ATP10A: variants seen among roughly 807,000 people sequenced by gnomAD.
ATP10A encodes the protein ATPase phospholipid transporting 10A (putative).
A neutral mutation model predicts 147.8 loss-of-function variants in ATP10A; 111 were observed. That is an observed-to-expected ratio of 0.75 (90% CI 0.64 to 0.88). The LOEUF is 0.88. ATP10A is among the 40% of genes least tolerant of loss of function. The pLI is 0.00. For missense variants in ATP10A, 1,927 were observed against 1,959.0 expected (o/e 0.98, Z 0.31); for synonymous variants, 875 against 841.6 (o/e 1.04, Z -0.69).
intron 17 of ATP10A, among the ~76,000 whole-genome samples, chr15:25,682,352 AG>A: frequency 3.5e-5 from 1 of 28,400 alleles, no homozygotes. Context: ...AGATGAATAG[AG>A]TCTCTATTAC....
At chr15:25,672,372 GTTTA>G (rs1277750264), downstream of ATP10A, among the ~76,000 whole-genome samples, 1 of 152,156 alleles carries the variant, frequency 6.6e-6, no homozygotes, top group Non-Finnish European at 1.5e-5. Context: ...CCATATTTTT[GTTTA>G]TTCATTCATC....
At chr15:25,811,801 T>A (rs958874711) in intron 1 of ATP10A, among the ~76,000 whole-genome samples, 7 of 152,164 alleles carry the variant, frequency 4.6e-5, no homozygotes, top group Non-Finnish European at 7.3e-5. Context: ...CACTTCCTCG[T>A]CCAGATGGAT....
chr15:25,782,025 A>G (rs905283355), intron 1 of ATP10A, among the ~76,000 whole-genome samples: 1 of 152,234 alleles, frequency 6.6e-6, no homozygotes, highest in African/African-American at 2.4e-5. Flanking sequence ...CAGCAGCATC[A>G]CTCAGAATTG....
chr15:25,678,172 G>T (rs1022191902), downstream of ATP10A: 1 of 151,860 alleles, frequency 6.6e-6, no homozygotes, highest in African/African-American at 2.4e-5. Context: ...ACTTGCGATG[G>T]CCCACACTCA....
chr15:25,787,776 G>C (rs1211813047), intron 1 of ATP10A, among the ~76,000 whole-genome samples: 2 of 152,106 alleles, frequency 1.3e-5, no homozygotes, highest in Non-Finnish European at 2.9e-5. Context: ...ACTGGAGGGG[G>C]CTTGTCCAAG....
intron 2 of ATP10A, among the ~76,000 whole-genome samples, chr15:25,777,734 G>A (rs1889684040): frequency 6.6e-6 from 1 of 151,242 alleles, no homozygotes; most frequent in South Asian, 2.1e-4. Context: ...TGAGCAGCTA[G>A]GACCACAGCT....
At chr15:25,769,008 T>A (rs1176410980) in intron 2 of ATP10A, among the ~76,000 whole-genome samples, 1 of 152,166 alleles carries the variant, frequency 6.6e-6, no homozygotes, top group Non-Finnish European at 1.5e-5. Flanking sequence ...CCCTCACTAT[T>A]TCTAAGGGAA....
intron 1 of ATP10A, among the ~76,000 whole-genome samples, chr15:25,829,312 G>C (rs746701803): frequency 6.6e-6 from 1 of 152,156 alleles, no homozygotes; most frequent in South Asian, 2.1e-4. Context: ...GTGACTTTCA[G>C]AGCTTTGCAT....
At position 25,781,374 on chromosome 15, in the gene ATP10A, T is replaced by C. The variant is rs1191631488; in HGVS notation, c.450-151A>G. ...AAACAGGTGTTTTAAAAAGAATATTTGGCCGGGTGTGGTGGCTCACGCCTG... is the reference window on the plus strand; with the variant it reads ...AAACAGGTGTTTTAAAAAGAATATTCGGCCGGGTGTGGTGGCTCACGCCTG... On this transcript the variant is annotated intron_variant, in intron 1 of 20. Coordinates refer to ENST00000555815, the MANE Select transcript of ATP10A (RefSeq NM_024490.4). 6 of 719,836 alleles carry C rather than the reference T, an allele frequency of 8.3e-6. No individual in the cohort carries two copies. The East Asian group carries it at 1.6e-4, about 20-fold the overall frequency. 44.6% of individuals were successfully genotyped at this position (719,836 alleles called of 1,614,324 possible). A position where few individuals can be genotyped will look rare whatever the true frequency, so the allele number is the denominator to read the frequency against.
At chr15:25,728,740 C>T (rs11639428) in intron 3 of ATP10A, among the ~76,000 whole-genome samples, 149,785 of 152,362 alleles carry the variant, frequency 0.98, 73,696 homozygotes, top group East Asian at 1. Context: ...ATGTTCTTCA[C>T]TGTGACACTG....
chr15:25,834,915 T>C (rs1289292027), intron 1 of ATP10A, among the ~76,000 whole-genome samples: 5 of 152,126 alleles, frequency 3.3e-5, no homozygotes, highest in Non-Finnish European at 5.9e-5. Context: ...ACTAGGTAAA[T>C]CTGTGGAGGA....
chr15:25,836,590 G>A (rs1892606682), intron 1 of ATP10A, among the ~76,000 whole-genome samples: 3 of 152,164 alleles, frequency 2.0e-5, no homozygotes, highest in African/African-American at 7.2e-5. Context: ...CCTTCTGAAG[G>A]GTGTCTTCCA....
chr15:25,677,105 A>G (rs1184389032), downstream of ATP10A, among the ~76,000 whole-genome samples: 1 of 152,092 alleles, frequency 6.6e-6, no homozygotes, highest in African/African-American at 2.4e-5. Flanking sequence ...GGCACACTGT[A>G]CAATGTCAAA....
chr15:25,858,016 A>G (rs796484144), intron 1 of ATP10A, among the ~76,000 whole-genome samples: 5 of 152,348 alleles, frequency 3.3e-5, no homozygotes, highest in African/African-American at 1.2e-4. Context: ...TTTGGATGAC[A>G]ACCAAGGTTT....
At chr15:25,733,990 AC>A (rs951400622) in intron 3 of ATP10A, among the ~76,000 whole-genome samples, 1 of 152,124 alleles carries the variant, frequency 6.6e-6, no homozygotes, top group Admixed American at 6.5e-5. Flanking sequence ...CTTCCCCGGC[AC>A]CCGGGGGGAG....
At chr15:25,747,287 CAAAAAAAAAA>C (rs34660034) in intron 2 of ATP10A, among the ~76,000 whole-genome samples, 1 of 113,250 alleles carries the variant, frequency 8.8e-6, no homozygotes, top group Non-Finnish European at 1.9e-5. Flanking sequence ...AACTCCATCT[CAAAAAAAAAA>C]AAAAAAAAAG....
At chr15:25,800,765 C>G (rs2074457267) in intron 1 of ATP10A, among the ~76,000 whole-genome samples, 1 of 152,208 alleles carries the variant, frequency 6.6e-6, no homozygotes, top group African/African-American at 2.4e-5. Context: ...CCCACCTACC[C>G]TAATTTCAAA....
chr15:25,812,535 G>C (rs1182683727), intron 1 of ATP10A, among the ~76,000 whole-genome samples: 1 of 152,166 alleles, frequency 6.6e-6, no homozygotes. Flanking sequence ...GAGCTGGTAA[G>C]AATGCTTTGC....
downstream of ATP10A, among the ~76,000 whole-genome samples, chr15:25,676,232 A>G (rs1899133636): frequency 6.6e-6 from 1 of 152,116 alleles, no homozygotes; most frequent in Admixed American, 6.5e-5. Context: ...GAAGGCACAG[A>G]TACGATGAGG....
Sources: gnomAD v4.1 joint callset for allele counts (sites outside exome capture counted in the v4.1 genomes callset) on GRCh38, gnomAD v4.1.1 for gene constraint, MANE v1.5 for transcripts, NCBI Gene and HGNC (gene_info 2026-07-23, HGNC 2026-07-21) for gene names.